The following CTNNA2 variants were observed in gnomAD, a reference collection of about 807,000 sequenced individuals.
CTNNA2 encodes the protein catenin alpha-2.
In CTNNA2, 42 loss-of-function variants were observed where a neutral mutation model predicts 101.0. The ratio of observed to expected loss-of-function variants is 0.42; its 90% CI spans 0.32 to 0.54. The LOEUF (loss-of-function observed/expected upper bound fraction) is 0.54. CTNNA2 is among the 20% of genes least tolerant of loss of function. The pLI, the probability that CTNNA2 is intolerant of heterozygous loss-of-function variation, is 0.14. For synonymous variants in CTNNA2, 450 were observed against 456.4 expected (o/e 0.99, Z 0.18); for missense variants, 871 against 1,223.1 (o/e 0.71, Z 4.29).
rs144551383 is a variant in CTNNA2, at chr2:80,001,818, C to T, written c.1056+92021C>T. Among the ~76,000 whole-genome samples the T allele has an allele frequency of 9.8e-4, 149 of 152,262 alleles. 1 individual carries two copies. The highest frequency in any genetic ancestry group is 3.4e-3 in the Middle Eastern group (1 of 294). On this transcript the variant is annotated intron_variant, in intron 7 of 18. Coordinates refer to ENST00000402739, the MANE Select transcript of CTNNA2 (RefSeq NM_001282597.3). ...TCATCTGTCCTACATAAGGTGACTC[C>T]CTGTATGATTTCATTTGGAAAACAT...
chr2:80,333,808 G>A (rs1248689296), intron 7 of CTNNA2, among the ~76,000 whole-genome samples: 2 of 152,158 alleles, frequency 1.3e-5, no homozygotes, highest in Non-Finnish European at 1.5e-5. Flanking sequence ...ATTTTTACTA[G>A]AGACGGGTTT....
intron 7 of CTNNA2, among the ~76,000 whole-genome samples, chr2:80,102,670 C>T (rs1415232013): frequency 2.6e-5 from 4 of 152,018 alleles, no homozygotes; most frequent in African/African-American, 4.8e-5. Context: ...GCACCACACA[C>T]CCAGCTAATT....
intron 4 of CTNNA2, among the ~76,000 whole-genome samples, chr2:79,453,610 T>C (rs1670780350): frequency 6.6e-6 from 1 of 152,142 alleles, no homozygotes; most frequent in Non-Finnish European, 1.5e-5. Context: ...GGTTCAGATA[T>C]TTCCTTCCAT....
At chr2:79,726,664 G>A (rs2104894970) in intron 2 of CTNNA2, among the ~76,000 whole-genome samples, 1 of 152,232 alleles carries the variant, frequency 6.6e-6, no homozygotes, top group South Asian at 2.1e-4. Flanking sequence ...GGGACCGCTG[G>A]TGTAATGGGA....
At chr2:80,431,361 C>CTG (rs1427657641) in intron 9 of CTNNA2, among the ~76,000 whole-genome samples, 3 of 152,130 alleles carry the variant, frequency 2.0e-5, no homozygotes, top group African/African-American at 7.2e-5. Flanking sequence ...ACCCCTACTG[C>CTG]TGTGTGTGTG....
intron 7 of CTNNA2, among the ~76,000 whole-genome samples, chr2:80,083,748 A>G (rs1558791990): frequency 6.6e-6 from 1 of 151,988 alleles, no homozygotes; most frequent in African/African-American, 2.4e-5. Context: ...CTTACTTCCT[A>G]TATTATACCA....
chr2:80,488,926 C>T (rs1489955622), intron 9 of CTNNA2, among the ~76,000 whole-genome samples: 4 of 152,134 alleles, frequency 2.6e-5, no homozygotes, highest in Admixed American at 2.6e-4. Flanking sequence ...CACACGTGTG[C>T]CCACACACAC....
chr2:79,393,714 C>T (rs927614220), intron 4 of CTNNA2, among the ~76,000 whole-genome samples: 3 of 150,198 alleles, frequency 2.0e-5, no homozygotes, highest in African/African-American at 7.3e-5. Context: ...TGTGGACATA[C>T]TTTGTAGGGT....
At chr2:79,920,961 A>G (rs1165669503) in intron 7 of CTNNA2, among the ~76,000 whole-genome samples, 1 of 152,164 alleles carries the variant, frequency 6.6e-6, no homozygotes, top group Non-Finnish European at 1.5e-5. Flanking sequence ...GAGCTGGACC[A>G]TTTTTAGTTC....
At chr2:80,325,266 C>T (rs948980309) in intron 7 of CTNNA2, among the ~76,000 whole-genome samples, 3 of 152,142 alleles carry the variant, frequency 2.0e-5, no homozygotes, top group Non-Finnish European at 2.9e-5. Context: ...AGATACCTGA[C>T]TTGGATACTG....
chr2:80,487,848 T>C (rs1247041822), intron 9 of CTNNA2, among the ~76,000 whole-genome samples: 1 of 152,226 alleles, frequency 6.6e-6, no homozygotes, highest in Non-Finnish European at 1.5e-5. Flanking sequence ...TCATCTACCC[T>C]AGAGTGGTTC....
intron 7 of CTNNA2, among the ~76,000 whole-genome samples, chr2:80,228,089 T>C (rs1403751895): frequency 6.6e-6 from 1 of 152,192 alleles, no homozygotes; most frequent in East Asian, 1.9e-4. Context: ...AAGACCAAAC[T>C]TGGACAAACT....
chr2:79,590,149 T>G (rs1482161198), intron 1 of CTNNA2, among the ~76,000 whole-genome samples: 1 of 152,210 alleles, frequency 6.6e-6, no homozygotes. Flanking sequence ...CGTTTTCTTT[T>G]GTCATGCCTG....
chr2:79,275,925 A>T lies in CTNNA2; in HGVS notation c.-405-36784A>T, dbSNP rs939631314. 2.6e-5 allele frequency among the ~76,000 whole-genome samples: 4 copies of T among 152,068 alleles called. No individual in the cohort carries two copies. The East Asian group carries it at 7.8e-4, about 29-fold the overall frequency. ...AATGTTAGATGTTAAACAGTGTTAC[A>T]GAAGAAAGGAGCATAGAATTAGGCT... is the stretch of plus-strand genomic sequence containing the variant. On this transcript the variant is annotated intron_variant, in intron 2 of 21. Transcript: ENST00000466387.
intron 7 of CTNNA2, among the ~76,000 whole-genome samples, chr2:79,968,667 A>G (rs889985927): frequency 2.0e-5 from 3 of 152,204 alleles, no homozygotes; most frequent in Admixed American, 1.3e-4. Context: ...CACAAAAAAC[A>G]AAATATAAAC....
intron 7 of CTNNA2, among the ~76,000 whole-genome samples, chr2:79,930,082 C>G (rs549129236): frequency 6.6e-6 from 1 of 151,770 alleles, no homozygotes; most frequent in African/African-American, 2.4e-5. Flanking sequence ...ACTAAAAATA[C>G]AAAAATTAGC....
chr2:80,538,236 A>G (rs1033375048), intron 9 of CTNNA2, among the ~76,000 whole-genome samples: 1 of 152,032 alleles, frequency 6.6e-6, no homozygotes, highest in East Asian at 1.9e-4. Context: ...ATTAGATCCA[A>G]TTTGTCAATT....
At chr2:79,741,295 T>C (rs2104973517) in intron 2 of CTNNA2, among the ~76,000 whole-genome samples, 1 of 152,306 alleles carries the variant, frequency 6.6e-6, no homozygotes, top group East Asian at 1.9e-4. Flanking sequence ...CTGTCTCTAA[T>C]TTACTGAAAA....
chr2:79,994,600 AT>A (rs200772633), intron 7 of CTNNA2, among the ~76,000 whole-genome samples: 3,777 of 150,188 alleles, frequency 0.025, 109 homozygotes, highest in African/African-American at 0.082. Context: ...AAAAAAAAAA[AT>A]TTGAAGTCTA....
Sources: gnomAD v4.1 joint callset for allele counts (sites outside exome capture counted in the v4.1 genomes callset) on GRCh38, gnomAD v4.1.1 for gene constraint, MANE v1.5 for transcripts, NCBI Gene and HGNC (gene_info 2026-07-23, HGNC 2026-07-21) for gene names.